CNTN4: variants seen among roughly 807,000 people sequenced by gnomAD.
CNTN4 encodes contactin 4.
In CNTN4, 77 loss-of-function variants were observed where a neutral mutation model predicts 122.5. The ratio of observed to expected loss-of-function variants is 0.63; its 90% CI spans 0.52 to 0.76. The LOEUF is 0.76. Ranked by LOEUF, CNTN4 falls within the 30% of genes least tolerant of loss-of-function variation. CNTN4 has a pLI of 0.00. For synonymous variants in CNTN4, 512 were observed against 447.0 expected (o/e 1.15, Z -1.83); for missense variants, 1,256 against 1,259.1 (o/e 1.00, Z 0.04).
chr3:3,026,034 A>C (rs1285141337), intron 14 of CNTN4, 68 bp from the exon 15 acceptor site: 6 of 1,436,100 alleles, frequency 4.2e-6, no homozygotes, highest in Admixed American at 1.7e-5. Flanking sequence ...CTTGGAGTCT[A>C]CATTGTATTT....
intron 3 of CNTN4, among the ~76,000 whole-genome samples, chr3:2,513,710 T>C (rs767094788): frequency 6.6e-6 from 1 of 152,242 alleles, no homozygotes; most frequent in Non-Finnish European, 1.5e-5. Flanking sequence ...AGTTTGCTTC[T>C]ATTACTTTCG....
At chr3:2,645,006 G>A (rs1201788372) in intron 4 of CNTN4, among the ~76,000 whole-genome samples, 3 of 151,696 alleles carry the variant, frequency 2.0e-5, no homozygotes, top group South Asian at 2.1e-4. Flanking sequence ...TTAAAGATGG[G>A]TGTGGAGGAG....
At chr3:2,362,609 G>C in intron 3 of CNTN4, 3 of 493,902 alleles carry the variant, frequency 6.1e-6, no homozygotes, top group South Asian at 4.9e-5. Flanking sequence ...TTGTGTGTAA[G>C]AAGATAGCAA....
At chr3:2,838,421 A>C (rs576616474) in intron 7 of CNTN4, among the ~76,000 whole-genome samples, 1 of 152,278 alleles carries the variant, frequency 6.6e-6, no homozygotes, top group Non-Finnish European at 1.5e-5. Flanking sequence ...TTCCAATAGA[A>C]GCTGGGAAGC....
chr3:2,326,644 A>G (rs1301520494), intron 2 of CNTN4, among the ~76,000 whole-genome samples: 1 of 152,204 alleles, frequency 6.6e-6, no homozygotes, highest in Non-Finnish European at 1.5e-5. Flanking sequence ...TCAGTCTGAG[A>G]ACTCATTCCT....
chr3:2,848,333 G>A (rs1169354852), intron 7 of CNTN4, among the ~76,000 whole-genome samples: 2 of 152,226 alleles, frequency 1.3e-5, no homozygotes, highest in Admixed American at 6.5e-5. Context: ...TTAAAGCAGA[G>A]ATTCCAGGGA....
intron 2 of CNTN4, among the ~76,000 whole-genome samples, chr3:2,224,379 C>T (rs1346272573): frequency 6.6e-6 from 1 of 152,128 alleles, no homozygotes; most frequent in Non-Finnish European, 1.5e-5. Context: ...CGGAAATAGT[C>T]CACATGTGTT....
At chr3:2,912,998 A>G (rs976010780) in intron 12 of CNTN4, among the ~76,000 whole-genome samples, 7 of 152,176 alleles carry the variant, frequency 4.6e-5, no homozygotes, top group Non-Finnish European at 8.8e-5. Context: ...CTAAAAATAC[A>G]AAGTTTAGCT....
intron 6 of CNTN4, among the ~76,000 whole-genome samples, chr3:2,760,825 G>T (rs555095583): frequency 6.6e-6 from 1 of 152,148 alleles, no homozygotes; most frequent in Non-Finnish European, 1.5e-5. Flanking sequence ...CAAATTTGAG[G>T]TAGAACTCAT....
At chr3:2,337,203 A>G (rs1410265361) in intron 2 of CNTN4, among the ~76,000 whole-genome samples, 1 of 152,126 alleles carries the variant, frequency 6.6e-6, no homozygotes, top group African/African-American at 2.4e-5. Context: ...AAATGCATTC[A>G]TGATATGTTA....
intron 14 of CNTN4, among the ~76,000 whole-genome samples, chr3:3,023,871 T>C (rs541811230): frequency 6.6e-6 from 1 of 152,300 alleles, no homozygotes; most frequent in East Asian, 1.9e-4. Flanking sequence ...TCCTGCATGA[T>C]TTGCATGTGG....
intron 2 of CNTN4, among the ~76,000 whole-genome samples, chr3:2,157,303 A>ATCT (rs2149155468): frequency 6.6e-6 from 1 of 152,288 alleles, no homozygotes; most frequent in African/African-American, 2.4e-5. Context: ...GATATGCGAT[A>ATCT]TGAAAGTAGA....
chr3:2,849,280 A>C (rs1421662479), intron 7 of CNTN4, among the ~76,000 whole-genome samples: 1 of 152,258 alleles, frequency 6.6e-6, no homozygotes, highest in South Asian at 2.1e-4. Flanking sequence ...AAAACCAGGC[A>C]GAAGGGATAC....
chr3:2,313,225 T>C (rs2042975800), intron 2 of CNTN4, among the ~76,000 whole-genome samples: 1 of 151,956 alleles, frequency 6.6e-6, no homozygotes, highest in Admixed American at 6.6e-5. Context: ...TTTAAACGTC[T>C]TGTACAGAAA....
chr3:2,902,580 C>G (rs1026878241), intron 11 of CNTN4, among the ~76,000 whole-genome samples: 20 of 152,098 alleles, frequency 1.3e-4, no homozygotes, highest in African/African-American at 4.8e-4. Flanking sequence ...TTTTAAGTTT[C>G]AAGTTATTCT....
At chr3:2,595,205 C>T (rs776423356) in intron 4 of CNTN4, among the ~76,000 whole-genome samples, 2 of 152,166 alleles carry the variant, frequency 1.3e-5, no homozygotes, top group African/African-American at 2.4e-5. Context: ...CTGAGTATTT[C>T]TGATGCATCC....
chr3:2,284,650 G>C (rs889872354), intron 2 of CNTN4, among the ~76,000 whole-genome samples: 1 of 151,946 alleles, frequency 6.6e-6, no homozygotes, highest in Non-Finnish European at 1.5e-5. Flanking sequence ...TATCTGCTTA[G>C]TTATTGAAAT....
At chr3:3,039,869 T>C (rs1699983027) in intron 19 of CNTN4, 168 bp from the exon 20 acceptor site, 1 of 662,974 alleles carries the variant, frequency 1.5e-6, no homozygotes, top group South Asian at 1.6e-5. Context: ...TCATAACTGT[T>C]TAAGATAGAC....
intron 4 of CNTN4, among the ~76,000 whole-genome samples, chr3:2,692,123 C>A (rs975759024): frequency 1.3e-5 from 2 of 152,046 alleles, no homozygotes; most frequent in Non-Finnish European, 2.9e-5. Context: ...ACACTTGGAC[C>A]CATGAGAAGT....
Sources: allele counts gnomAD v4.1 joint callset (sites outside exome capture counted in the v4.1 genomes callset), GRCh38; gene constraint gnomAD v4.1.1; transcripts MANE v1.5; gene names NCBI Gene and HGNC (gene_info 2026-07-23, HGNC 2026-07-21).